The following AFTPH variants were observed in gnomAD, a reference collection of about 807,000 sequenced individuals.
AFTPH encodes aftiphilin protein.
AFTPH carries 7 observed loss-of-function variants against 72.5 expected under a neutral mutation model. The ratio of observed to expected loss-of-function variants is 0.10; its 90% CI spans 0.05 to 0.18. The LOEUF is 0.18. Among genes scored for constraint, AFTPH ranks in the 10% least tolerant of loss-of-function variants. AFTPH has a pLI of 1.00. For synonymous variants in AFTPH, 337 were observed against 370.1 expected (o/e 0.91, Z 1.03); for missense variants, 979 against 1,060.5 (o/e 0.92, Z 1.07).
Position 64,577,330 on chromosome 2 carries a change from C to T in AFTPH, c.2395-2156C>T, listed in dbSNP as rs147123620. Among the ~76,000 whole-genome samples the T allele has an allele frequency of 2.4e-3, 367 of 152,178 alleles. 2 individuals carry two copies. Among genetic ancestry groups the T allele is most frequent in the Middle Eastern group, 0.017 (5 of 294 alleles). On this transcript the variant is annotated intron_variant, in intron 6 of 8. Transcript: ENST00000238856. The stretch of plus-strand genomic sequence containing the variant: ...CATTAGTTTTAGTCTTTTTTTGCTT[C>T]GGTATCCTGTTTTTCACCTTTTTCA...
chr2:64,571,760 A>T (rs1672444534), intron 5 of AFTPH, among the ~76,000 whole-genome samples: 1 of 152,208 alleles, frequency 6.6e-6, no homozygotes, highest in African/African-American at 2.4e-5. Flanking sequence ...TTTGAAAAAC[A>T]TTCAAAAGCT....
intron 1 of AFTPH, among the ~76,000 whole-genome samples, chr2:64,541,552 A>G (rs1320482367): frequency 6.6e-6 from 1 of 152,150 alleles, no homozygotes; most frequent in African/African-American, 2.4e-5. Context: ...CTAAAACCCA[A>G]ATCTTCATGT....
At chr2:64,553,719 A>C (rs1432220563) in intron 2 of AFTPH, among the ~76,000 whole-genome samples, 25 of 141,706 alleles carry the variant, frequency 1.8e-4, no homozygotes, top group South Asian at 4.5e-4. Context: ...AAAAAAAAAA[A>C]CCCACACTTA....
intron 2 of AFTPH, among the ~76,000 whole-genome samples, chr2:64,553,733 C>A: frequency 6.7e-6 from 1 of 148,964 alleles, no homozygotes; most frequent in South Asian, 2.1e-4. Flanking sequence ...ACACTTATTA[C>A]CTAATTGACG....
intron 5 of AFTPH, among the ~76,000 whole-genome samples, chr2:64,572,220 CAAAAA>C (rs34614295): frequency 3.2e-4 from 37 of 116,860 alleles, no homozygotes; most frequent in African/African-American, 1.0e-3. Context: ...AACTCTGTCT[CAAAAA>C]AAAAAAAAAA....
At chr2:64,551,579 A>G (rs752501604) in exon 2 of AFTPH, 2 of 1,614,036 alleles carry the variant, frequency 1.2e-6, no homozygotes, top group Admixed American at 1.7e-5. Context: ...GTGGGTTTTC[A>G]GAAGTTAGCC....
intron 1 of AFTPH, among the ~76,000 whole-genome samples, chr2:64,528,394 G>A (rs1283645909): frequency 6.6e-6 from 1 of 152,152 alleles, no homozygotes; most frequent in African/African-American, 2.4e-5. Flanking sequence ...CCCTCCTACA[G>A]CTTCAGTTTC....
chr2:64,579,362 A>T (rs1220746152), intron 6 of AFTPH, 124 bp from the exon 7 acceptor site: 1 of 628,778 alleles, frequency 1.6e-6, no homozygotes, highest in African/African-American at 1.8e-5. Flanking sequence ...ATTGTAAATT[A>T]TCCCAATTTT....
At chr2:64,577,024 G>A (rs1672856884) in intron 6 of AFTPH, among the ~76,000 whole-genome samples, 1 of 152,094 alleles carries the variant, frequency 6.6e-6, no homozygotes. Context: ...CTCCCAAAGT[G>A]TTGGGATTAC....
At chr2:64,552,357 G>A (rs982314118) in exon 2 of AFTPH, 4 of 1,613,990 alleles carry the variant, frequency 2.5e-6, no homozygotes, top group Non-Finnish European at 3.4e-6. Flanking sequence ...TGATGGAGAG[G>A]ATCAGGTTTG....
At chr2:64,585,689 A>G in intron 8 of AFTPH, 144 bp downstream of exon 9, 1 of 846,660 alleles carries the variant, frequency 1.2e-6, no homozygotes, top group Admixed American at 3.0e-5. Context: ...AGTCCAGAAA[A>G]TATTATCAAA....
chr2:64,559,275 G>T (rs1015947938), intron 2 of AFTPH, among the ~76,000 whole-genome samples: 1 of 152,154 alleles, frequency 6.6e-6, no homozygotes, highest in African/African-American at 2.4e-5. Flanking sequence ...GGTATGTGTG[G>T]AGGTTAGGGA....
rs1302313680 is a variant in AFTPH, at chr2:64,547,418, C to G, written c.-32-4025C>G. On this transcript the variant is annotated intron_variant, in intron 1 of 8. Coordinates refer to ENST00000238856, the Ensembl canonical transcript of AFTPH. ...AAGTGATCCTGTATTCTCATTGCAT[C>G]TCATCAGGTGGTGCATGATTTCAGT... is the stretch of plus-strand genomic sequence containing the variant. Among the ~76,000 whole-genome samples, 4 of 152,184 alleles carry G rather than the reference C, an allele frequency of 2.6e-5. No homozygotes were observed. The East Asian group carries it at 7.7e-4, about 29-fold the overall frequency.
At chr2:64,581,337 C>T (rs1259930912) in intron 7 of AFTPH, 64 bp downstream of exon 8, 1 of 1,352,052 alleles carries the variant, frequency 7.4e-7, no homozygotes. Context: ...CATCACTTGA[C>T]TTTCCTATAA....
At chr2:64,565,083 C>G (rs564319117) in intron 2 of AFTPH, among the ~76,000 whole-genome samples, 1 of 152,162 alleles carries the variant, frequency 6.6e-6, no homozygotes, top group African/African-American at 2.4e-5. Flanking sequence ...AAGCAATCCA[C>G]CCGCCTCGGC....
chr2:64,535,568 G>A (rs546976209), intron 1 of AFTPH, among the ~76,000 whole-genome samples: 1 of 149,782 alleles, frequency 6.7e-6, no homozygotes, highest in East Asian at 2.0e-4. Flanking sequence ...TCTGTAAAAT[G>A]GGTTTTTGTG....
intron 1 of AFTPH, among the ~76,000 whole-genome samples, chr2:64,541,706 A>G (rs1161095282): frequency 6.6e-6 from 1 of 152,196 alleles, no homozygotes; most frequent in Non-Finnish European, 1.5e-5. Context: ...GAACTACTGT[A>G]CACCAGGCAA....
At chr2:64,581,138 C>A in intron 7 of AFTPH, 52 bp from the exon 8 acceptor site, 1 of 1,408,176 alleles carries the variant, frequency 7.1e-7, no homozygotes, top group East Asian at 2.5e-5. Context: ...CCCCTCCTCC[C>A]TTGGCTTACC....
At position 64,552,869 on chromosome 2, in the gene AFTPH, A is replaced by G. The variant is rs1450712553; in HGVS notation, c.1395A>G (p.Ser465=). 6 of 1,614,226 alleles carry G rather than the reference A, an allele frequency of 3.7e-6. No individual in the cohort carries two copies. The East Asian group carries it at 8.9e-5, about 24-fold the overall frequency. The stretch of plus-strand genomic sequence containing the variant: ...GTGATGCCACTTTTGAAGAGTCTTC[A>G]GAGCACTTTCCACATTTTAGTGAAC... Residue 465 remains serine (S), a synonymous_variant, in exon 2 of 9, where the codon TCA becomes TCG. Coordinates refer to ENST00000238856, the Ensembl canonical transcript of AFTPH.
Sources: gnomAD v4.1 joint callset for allele counts (sites outside exome capture counted in the v4.1 genomes callset) on GRCh38, gnomAD v4.1.1 for gene constraint, MANE v1.5 for transcripts, NCBI Gene and HGNC (gene_info 2026-07-23, HGNC 2026-07-21) for gene names.